The following KDM1A variants were observed in gnomAD, a reference collection of about 807,000 sequenced individuals.
The protein encoded by KDM1A is lysine-specific histone demethylase 1A.
KDM1A carries 49 observed loss-of-function variants against 109.4 expected under a neutral mutation model. The ratio of observed to expected loss-of-function variants is 0.45; its 90% CI spans 0.36 to 0.57. The LOEUF (loss-of-function observed/expected upper bound fraction) is 0.57. Ranked by LOEUF, KDM1A falls within the 20% of genes least tolerant of loss-of-function variation. The pLI is 0.00. For synonymous variants in KDM1A, 380 were observed against 415.4 expected (o/e 0.91, Z 1.04); for missense variants, 668 against 1,116.6 (o/e 0.60, Z 5.73).
At chr1:23,053,959 C>T in intron 5 of KDM1A, 120 bp downstream of exon 5, 2 of 647,474 alleles carry the variant, frequency 3.1e-6, no homozygotes, top group Non-Finnish European at 5.6e-6. Context: ...TGTTATTTCA[C>T]CTTGTGCTGT....
chr1:23,065,941 T>C, intron 9 of KDM1A, 119 bp from the exon 10 acceptor site: 1 of 1,408,866 alleles, frequency 7.1e-7, no homozygotes, highest in Non-Finnish European at 9.5e-7. Flanking sequence ...AACAGAATGC[T>C]TCTGTCATGC....
At chr1:23,081,403 A>C in intron 18 of KDM1A, 43 bp from the exon 19 acceptor site, 1 of 1,605,514 alleles carries the variant, frequency 6.2e-7, no homozygotes, top group Non-Finnish European at 8.5e-7. Flanking sequence ...TTTTGAGGAA[A>C]GTCTGTAGGA....
intron 4 of KDM1A, among the ~76,000 whole-genome samples, chr1:23,052,512 A>G (rs1642703646): frequency 6.6e-6 from 1 of 152,226 alleles, no homozygotes; most frequent in Non-Finnish European, 1.5e-5. Flanking sequence ...AAGTTGTCTT[A>G]TAGAGCAGTC....
chr1:23,056,679 A>G (rs1642839142), intron 7 of KDM1A, among the ~76,000 whole-genome samples: 2 of 151,824 alleles, frequency 1.3e-5, no homozygotes, highest in Admixed American at 1.3e-4. Context: ...AATTTTATAT[A>G]TTTAGAAAAC....
intron 7 of KDM1A, 72 bp downstream of exon 7, chr1:23,056,110 T>G (rs1395814175): frequency 2.0e-6 from 2 of 985,218 alleles, no homozygotes; most frequent in East Asian, 4.8e-5. Flanking sequence ...TGTTGCAAAT[T>G]AAAGAATTAT....
At chr1:23,036,362 G>A (rs1303727107) in intron 2 of KDM1A, among the ~76,000 whole-genome samples, 1 of 151,998 alleles carries the variant, frequency 6.6e-6, no homozygotes, top group Non-Finnish European at 1.5e-5. Context: ...TAAAATAAAT[G>A]CCTGAAATCA....
intron 2 of KDM1A, among the ~76,000 whole-genome samples, chr1:23,038,623 T>C (rs1215218106): frequency 6.6e-6 from 1 of 152,124 alleles, no homozygotes; most frequent in Non-Finnish European, 1.5e-5. Context: ...AAAAGTAAAT[T>C]CTTTCCATTG....
At chr1:23,031,410 A>G (rs1641976272) in intron 2 of KDM1A, among the ~76,000 whole-genome samples, 1 of 152,106 alleles carries the variant, frequency 6.6e-6, no homozygotes, top group Non-Finnish European at 1.5e-5. Context: ...AATAATTTTT[A>G]TGTTTCGAAT....
intron 5 of KDM1A, 41 bp from the exon 6 acceptor site, chr1:23,055,028 G>A: frequency 7.9e-7 from 1 of 1,270,232 alleles, no homozygotes. Context: ...TGTTTAAACT[G>A]CTGAAAATAA....
Position 23,069,110 on chromosome 1 carries a change from A to T in KDM1A, c.1372A>T (p.Ile458Leu). 1 of 1,611,252 alleles carries T rather than the reference A, an allele frequency of 6.2e-7. No individual in the cohort carries two copies. The highest frequency in any genetic ancestry group is 8.5e-7 in the Non-Finnish European group (1 of 1,178,190). ...TGAGCAGATTGAACATTGGAAGAAG[A>T]TAGTGAAAACTCAGGAAGAATTGAA... is the stretch of plus-strand genomic sequence containing the variant. ...KDEQIEHWKK[I>L]VKTQEELKEL... The change falls in exon 12 of 21, where the codon ATA (isoleucine) becomes TTA (leucine). Residue 458 changes from isoleucine (I) to leucine (L), a missense_variant. Around this residue, in one of 8 missense-constraint regions of KDM1A, gnomAD observed 62 missense variants for 82.8 expected, o/e 0.75. Transcript: ENST00000400181.
At chr1:23,058,823 G>T (rs902208697) in intron 8 of KDM1A, among the ~76,000 whole-genome samples, 12 of 152,132 alleles carry the variant, frequency 7.9e-5, no homozygotes, top group Non-Finnish European at 1.3e-4. Flanking sequence ...ACTTTTTTGT[G>T]TGGGTCTGTA....
chr1:23,034,559 G>A (rs1017917951), intron 2 of KDM1A, among the ~76,000 whole-genome samples: 4 of 152,020 alleles, frequency 2.6e-5, no homozygotes, highest in Non-Finnish European at 5.9e-5. Context: ...AATGAGTTTT[G>A]CATTCCTGTA....
intron 8 of KDM1A, 163 bp downstream of exon 8, chr1:23,057,728 T>C: frequency 2.2e-6 from 1 of 463,118 alleles, no homozygotes; most frequent in Non-Finnish European, 3.9e-6. Context: ...ACATATCTTT[T>C]GACCTAGAGT....
rs531764640 is a variant in KDM1A at position 23,032,087 on chromosome 1, CCTTT to C, written c.517+1457_517+1460del. On this transcript the variant is annotated intron_variant, in intron 2 of 20. Transcript: ENST00000400181. Reference sequence around the variant, plus strand: ...TCTTCTGTGTTCTTTTTGGTTCTTACCTTTCTTCTACCTTTGCTGTAGACCTGCT... The same window carrying C: ...TCTTCTGTGTTCTTTTTGGTTCTTACCTTCTACCTTTGCTGTAGACCTGCT... Among the ~76,000 whole-genome samples the C allele has an allele frequency of 2.7e-3, 407 of 152,162 alleles. 4 individuals carry two copies. Among genetic ancestry groups the C allele is most frequent in the African/African-American group, 9.1e-3 (377 of 41,498 alleles).
chr1:23,025,592 A>G (rs945752650), intron 1 of KDM1A, among the ~76,000 whole-genome samples: 4 of 152,024 alleles, frequency 2.6e-5, no homozygotes, highest in Non-Finnish European at 5.9e-5. Flanking sequence ...GGCCTCCCAA[A>G]GTGCTGGGAT....
At chr1:23,053,161 A>G (rs1228267339) in intron 4 of KDM1A, among the ~76,000 whole-genome samples, 1 of 152,162 alleles carries the variant, frequency 6.6e-6, no homozygotes, top group Non-Finnish European at 1.5e-5. Context: ...CTGGAGTCAT[A>G]TAACCCAGGT....
At chr1:23,042,894 G>C (rs1488839292) in intron 2 of KDM1A, among the ~76,000 whole-genome samples, 1 of 151,668 alleles carries the variant, frequency 6.6e-6, no homozygotes, top group Non-Finnish European at 1.5e-5. Context: ...GATTACAGGC[G>C]AGCACCACCA....
Position 23,079,091 on chromosome 1 carries a change from C to T in KDM1A, c.1969C>T (p.Gln657Ter). 6.2e-7 allele frequency: 1 copy of T among 1,614,162 alleles called. No individual in the cohort carries two copies. The highest frequency in any genetic ancestry group is 8.5e-7 in the Non-Finnish European group (1 of 1,180,008). ...CCTTCCCCTGGGTGTGCTGAAGCAGCAGCCACCAGCCGTTCAGTTTGTGCC... is the reference window on the plus strand; with the variant it reads ...CCTTCCCCTGGGTGTGCTGAAGCAGTAGCCACCAGCCGTTCAGTTTGTGCC... ...CTLPLGVLKQ[Q>*]PPAVQFVPPL... Residue 657 changes from glutamine (Q) to a stop codon, truncating the protein, a stop_gained, in exon 17 of 21, where the codon CAG becomes TAG. Coordinates refer to ENST00000400181, the MANE Select transcript of KDM1A (RefSeq NM_001009999.3). LOFTEE classifies it high-confidence loss of function. The surrounding 1 kb of genome is among the most constrained non-coding windows in gnomAD (Gnocchi z 5.6).
intron 15 of KDM1A, among the ~76,000 whole-genome samples, chr1:23,073,628 T>C (rs918873128): frequency 6.6e-6 from 1 of 152,220 alleles, no homozygotes; most frequent in Non-Finnish European, 1.5e-5. Context: ...CTGAAATGTT[T>C]TCTCCTGCCT....
Sources: gnomAD v4.1 joint callset for allele counts (sites outside exome capture counted in the v4.1 genomes callset) on GRCh38, gnomAD v4.1.1 for gene constraint, gnomAD v4.1.1 regional missense constraint, Gnocchi (gnomAD v3.1) non-coding constraint, MANE v1.5 for transcripts, NCBI Gene and HGNC (gene_info 2026-07-23, HGNC 2026-07-21) for gene names.